Variants in CSMD1 observed in about 807,000 individuals in gnomAD.
CSMD1 encodes CUB and sushi domain-containing protein 1.
CSMD1 carries 213 observed loss-of-function variants against 417.5 expected under a neutral mutation model. That is an observed-to-expected ratio of 0.51 (90% CI 0.46 to 0.57). The LOEUF is 0.57. Ranked by LOEUF, CSMD1 falls within the 20% of genes least tolerant of loss-of-function variation. The pLI is 0.00. For synonymous variants in CSMD1, 2,862 were observed against 1,736.8 expected (o/e 1.65, Z -16.11); for missense variants, 6,923 against 4,529.7 (o/e 1.53, Z -15.17).
At chr8:3,848,800 A>T (rs1316980105) in intron 5 of CSMD1, among the ~76,000 whole-genome samples, 1 of 152,106 alleles carries the variant, frequency 6.6e-6, no homozygotes, top group Non-Finnish European at 1.5e-5. Flanking sequence ...AAAAATGATT[A>T]GCAGCGATTT....
chr8:3,609,544 C>T (rs1362192475), intron 8 of CSMD1, among the ~76,000 whole-genome samples: 2 of 151,840 alleles, frequency 1.3e-5, no homozygotes, highest in Admixed American at 1.3e-4. Flanking sequence ...TTCTCAAGAA[C>T]CCAGAATAAT....
At chr8:3,647,455 A>G (rs1382549327) in intron 7 of CSMD1, among the ~76,000 whole-genome samples, 3 of 152,232 alleles carry the variant, frequency 2.0e-5, no homozygotes, top group African/African-American at 7.2e-5. Flanking sequence ...AGAGAAATAC[A>G]GCATAGAGAA....
rs561555297 is a variant in CSMD1 at position 3,666,134 on chromosome 8, G to A, written c.1009+42280C>T. ...TGGTCTTGAACTTCTGACCTCAAGT[G>A]ATCTACATGCCCTGGCCTCCCCAAA... On this transcript the variant is annotated intron_variant, in intron 7 of 69. Coordinates refer to ENST00000635120, the MANE Select transcript of CSMD1 (RefSeq NM_033225.6). Among the ~76,000 whole-genome samples, 38 of 152,260 alleles carry A rather than the reference G, an allele frequency of 2.5e-4. 1 individual carries two copies. Among genetic ancestry groups the A allele is most frequent in the Non-Finnish European group, 4.9e-4 (33 of 68,022 alleles).
At chr8:4,395,823 T>C (rs533414675) in intron 3 of CSMD1, among the ~76,000 whole-genome samples, 2 of 152,316 alleles carry the variant, frequency 1.3e-5, no homozygotes, top group Non-Finnish European at 2.9e-5. Flanking sequence ...TCAAAGTAGA[T>C]ACACATTAAC....
At chr8:4,529,287 G>A (rs894736650) in intron 2 of CSMD1, among the ~76,000 whole-genome samples, 8 of 152,204 alleles carry the variant, frequency 5.3e-5, no homozygotes, top group East Asian at 1.9e-4. Flanking sequence ...GGTACATAGT[G>A]CACAACATTA....
chr8:3,624,050 A>AG (rs1222793974), intron 7 of CSMD1, among the ~76,000 whole-genome samples: 2 of 152,198 alleles, frequency 1.3e-5, no homozygotes, highest in African/African-American at 4.8e-5. Flanking sequence ...TATGCGTTGA[A>AG]GGGCTTTGTA....
intron 1 of CSMD1, among the ~76,000 whole-genome samples, chr8:4,767,792 G>C (rs1812565885): frequency 6.6e-6 from 1 of 152,132 alleles, no homozygotes; most frequent in African/African-American, 2.4e-5. Context: ...AGGGGTTGGT[G>C]TTCCCAAACA....
intron 4 of CSMD1, among the ~76,000 whole-genome samples, chr8:4,013,509 G>T (rs77368976): frequency 6.6e-6 from 1 of 152,154 alleles, no homozygotes; most frequent in African/African-American, 2.4e-5. Context: ...TCCAGGCAGT[G>T]ACCAGGCAGA....
At chr8:4,584,957 A>G (rs1458868637) in intron 2 of CSMD1, among the ~76,000 whole-genome samples, 1 of 152,192 alleles carries the variant, frequency 6.6e-6, no homozygotes, top group Non-Finnish European at 1.5e-5. Flanking sequence ...TGCCTGCCAG[A>G]AACAAAATAA....
At chr8:3,697,742 T>C (rs1298518492) in intron 7 of CSMD1, among the ~76,000 whole-genome samples, 1 of 152,134 alleles carries the variant, frequency 6.6e-6, no homozygotes, top group African/African-American at 2.4e-5. Context: ...TTATATAAAA[T>C]TTGATGAAAA....
At chr8:4,812,905 G>T (rs969391652) in intron 1 of CSMD1, among the ~76,000 whole-genome samples, 1 of 152,098 alleles carries the variant, frequency 6.6e-6, no homozygotes, top group East Asian at 1.9e-4. Context: ...AATATTGCTT[G>T]TATCAGTTTA....
chr8:4,803,468 TA>T (rs955914762), intron 1 of CSMD1, among the ~76,000 whole-genome samples: 14 of 152,308 alleles, frequency 9.2e-5, no homozygotes, highest in African/African-American at 2.9e-4. Flanking sequence ...AGAGGAGGGT[TA>T]GGGGTCAGAA....
intron 3 of CSMD1, among the ~76,000 whole-genome samples, chr8:4,185,788 A>C (rs1360662710): frequency 2.6e-5 from 4 of 152,244 alleles, no homozygotes; most frequent in Non-Finnish European, 5.9e-5. Context: ...GAAATGTGTA[A>C]GATGAGTGGC....
chr8:4,714,289 T>C (rs777312906), intron 1 of CSMD1, among the ~76,000 whole-genome samples: 1 of 152,168 alleles, frequency 6.6e-6, no homozygotes, highest in Non-Finnish European at 1.5e-5. Context: ...ATGCCATCTT[T>C]TTTCTCTTTA....
Position 3,291,043 on chromosome 8 carries a change from G to A in CSMD1, c.3951-6697C>T, listed in dbSNP as rs182059796. ...AGAGTTTTTAGCATGAAGGGTTGTT[G>A]AATTTTGTCAAAGGCCTTTTCTGCA... On this transcript the variant is annotated intron_variant, in intron 25 of 69. Coordinates refer to ENST00000635120, the MANE Select transcript of CSMD1 (RefSeq NM_033225.6). Among the ~76,000 whole-genome samples the A allele has an allele frequency of 3.8e-4, 58 of 152,234 alleles. 1 individual carries two copies. In the East Asian group the frequency reaches 8.3e-3, roughly 22 times the overall value.
intron 1 of CSMD1, among the ~76,000 whole-genome samples, chr8:4,649,910 T>A (rs923642041): frequency 3.9e-5 from 6 of 152,224 alleles, no homozygotes; most frequent in African/African-American, 1.4e-4. Context: ...GGGGGCACCA[T>A]GTGTTGATGC....
intron 3 of CSMD1, among the ~76,000 whole-genome samples, chr8:4,034,658 T>C (rs1288246830): frequency 2.0e-5 from 3 of 152,094 alleles, no homozygotes; most frequent in Non-Finnish European, 4.4e-5. Context: ...ACCGTAAATG[T>C]GAAGAGTGAG....
chr8:4,461,942 C>G (rs917841141), intron 2 of CSMD1, among the ~76,000 whole-genome samples: 1 of 152,002 alleles, frequency 6.6e-6, no homozygotes, highest in East Asian at 1.9e-4. Context: ...GGGGTTTCAT[C>G]ATGTTAGCCA....
At chr8:4,884,965 C>A (rs1316098436) in intron 1 of CSMD1, among the ~76,000 whole-genome samples, 1 of 152,090 alleles carries the variant, frequency 6.6e-6, no homozygotes, top group Non-Finnish European at 1.5e-5. Flanking sequence ...ATGAAATCTC[C>A]CAACACAGAA....
Sources: gnomAD v4.1 joint callset for allele counts (sites outside exome capture counted in the v4.1 genomes callset) on GRCh38, gnomAD v4.1.1 for gene constraint, MANE v1.5 for transcripts, NCBI Gene and HGNC (gene_info 2026-07-23, HGNC 2026-07-21) for gene names.